ADGRF1: variants seen among roughly 807,000 people sequenced by gnomAD.
ADGRF1 encodes the protein G protein-coupled receptor 110.
A neutral mutation model predicts 87.2 loss-of-function variants in ADGRF1; 85 were observed. The observed-to-expected ratio is 0.97, with a 90% CI of 0.82 to 1.17. The LOEUF (loss-of-function observed/expected upper bound fraction) is 1.17, where lower values mean the gene tolerates loss of function less well. Ranked by LOEUF, ADGRF1 falls within the 50% of genes most tolerant of loss-of-function variation. The pLI is 0.00. For missense variants in ADGRF1, 1,169 were observed against 1,077.2 expected (o/e 1.09, Z -1.19); for synonymous variants, 430 against 408.8 (o/e 1.05, Z -0.63).
At chr6:47,014,901 T>C in intron 8 of ADGRF1, 57 bp from the exon 9 acceptor site, 1 of 1,512,482 alleles carries the variant, frequency 6.6e-7, no homozygotes, top group Non-Finnish European at 8.9e-7. Context: ...TGGCACTCTA[T>C]ATAAACCATG....
chr6:47,019,829 A>G, intron 7 of ADGRF1: 1 of 984,866 alleles, frequency 1.0e-6, no homozygotes, highest in African/African-American at 1.7e-5. Context: ...ATAGTTGGTA[A>G]TTAATGTAAA....
chr6:47,029,435 GTTTCCT>G (rs1780344081), intron 1 of ADGRF1, among the ~76,000 whole-genome samples: 3 of 151,854 alleles, frequency 2.0e-5, no homozygotes, highest in East Asian at 3.9e-4. Flanking sequence ...TTTCACTGAG[GTTTCCT>G]TTTCATTTCA....
intron 9 of ADGRF1, chr6:47,012,686 G>T: frequency 2.0e-6 from 2 of 985,708 alleles, no homozygotes; most frequent in Non-Finnish European, 2.4e-6. Context: ...CACTGAGAAT[G>T]CGTTGTAAGA....
At chr6:47,040,104 T>C (rs905867657) in intron 1 of ADGRF1, among the ~76,000 whole-genome samples, 11 of 152,308 alleles carry the variant, frequency 7.2e-5, no homozygotes, top group African/African-American at 1.4e-4. Context: ...CCAAGACATA[T>C]GTATTTGGCA....
intron 11 of ADGRF1, among the ~76,000 whole-genome samples, chr6:47,008,174 T>C (rs1779585256): frequency 6.6e-6 from 1 of 152,202 alleles, no homozygotes; most frequent in Non-Finnish European, 1.5e-5. Context: ...TATTTAAGTC[T>C]AGAGTTCAAA....
chr6:47,017,555 C>G (rs1458400242), intron 7 of ADGRF1: 1 of 152,078 alleles, frequency 6.6e-6, no homozygotes, highest in Non-Finnish European at 1.5e-5. Context: ...TCAATAATAA[C>G]TCCAAGGAAT....
intron 8 of ADGRF1, 76 bp from the exon 9 acceptor site, chr6:47,014,920 T>C (rs546607264): frequency 1.4e-6 from 2 of 1,431,662 alleles, no homozygotes; most frequent in South Asian, 1.6e-5. Flanking sequence ...TGTAGTCATG[T>C]TCAAATGTTT....
chr6:47,000,189 G>A lies in ADGRF1; in HGVS notation c.*33C>T. ...TTGTCTCTAAATGTCAAGTTGTTCT[G>A]GAAATTTTTTCTTGATTTTATGATT... is the stretch of plus-strand genomic sequence containing the variant. On this transcript the variant is annotated 3_prime_UTR_variant, in exon 15 of 15. Transcript: ENST00000371253. The A allele has an allele frequency of 1.3e-6, 2 of 1,522,374 alleles. No individual in the cohort carries two copies. The highest frequency in any genetic ancestry group is 1.8e-6 in the Non-Finnish European group (2 of 1,101,448). The allele number at this position is 1,522,374 out of a possible 1,614,324, so 94.3% of individuals were successfully genotyped here.
At position 47,009,370 on chromosome 6, in the gene ADGRF1, C is replaced by T. The variant is rs766628746; in HGVS notation, c.2065G>A (p.Val689Met). 19 of 1,613,924 alleles carry T rather than the reference C, an allele frequency of 1.2e-5. No individual in the cohort carries two copies. The highest frequency in any genetic ancestry group is 4.0e-5 in the African/African-American group (3 of 74,896). The change falls in exon 11 of 15, where the codon GTG (valine) becomes ATG (methionine). Residue 689 changes from valine (V) to methionine (M), a missense_variant. By Grantham distance (21) the Val-to-Met change is conservative. Coordinates refer to ENST00000371253, the MANE Select transcript of ADGRF1 (RefSeq NM_153840.4). ...AAATGCTGGGCCATGTGATGGAACA[C>T]GAGGATGATCCGGTAAGCCAGCAGG... ...GILLAYRIIL[V>M]FHHMAQHLMM...
chr6:47,006,596 G>A (rs902863755), intron 12 of ADGRF1, among the ~76,000 whole-genome samples: 1 of 152,048 alleles, frequency 6.6e-6, no homozygotes, highest in African/African-American at 2.4e-5. Flanking sequence ...TTCTTTAGTG[G>A]TGATTTGTGA....
chr6:47,012,939 GT>G, intron 9 of ADGRF1: 1 of 590,260 alleles, frequency 1.7e-6, no homozygotes, highest in South Asian at 7.5e-5. Flanking sequence ...CCAGCTAATT[GT>G]TTTTGTATCC....
intron 1 of ADGRF1, among the ~76,000 whole-genome samples, chr6:47,041,467 C>T (rs1780741741): frequency 1.3e-5 from 2 of 152,026 alleles, no homozygotes; most frequent in South Asian, 2.1e-4. Context: ...GGTATTTTTC[C>T]TTCATGTAGT....
chr6:47,023,956 T>C, intron 5 of ADGRF1, 88 bp downstream of exon 5: 1 of 1,200,796 alleles, frequency 8.3e-7, no homozygotes, highest in South Asian at 1.5e-5. Flanking sequence ...AAACAAACAT[T>C]GACTAGCTAG....
chr6:47,008,257 G>A (rs565747417), intron 11 of ADGRF1, among the ~76,000 whole-genome samples: 1 of 152,228 alleles, frequency 6.6e-6, no homozygotes, highest in Admixed American at 6.5e-5. Context: ...GGGACTGAAG[G>A]CTCTCGTCCA....
At chr6:47,033,405 C>G (rs1780493383) in intron 1 of ADGRF1, among the ~76,000 whole-genome samples, 1 of 152,248 alleles carries the variant, frequency 6.6e-6, no homozygotes, top group African/African-American at 2.4e-5. Context: ...CAACAGCTGT[C>G]TCCTTATCAA....
At chr6:47,030,547 T>A (rs1474171087) in intron 1 of ADGRF1, among the ~76,000 whole-genome samples, 1 of 149,934 alleles carries the variant, frequency 6.7e-6, no homozygotes, top group East Asian at 2.0e-4. Flanking sequence ...CAGGATCCCA[T>A]AGAAAGAAAG....
chr6:47,019,454 C>G, intron 7 of ADGRF1: 6 of 742,564 alleles, frequency 8.1e-6, no homozygotes, highest in Non-Finnish European at 9.9e-6. Context: ...GAAGCCGAGG[C>G]AGGCGGATCA....
intron 7 of ADGRF1, chr6:47,019,945 A>T (rs1035156254): frequency 1.0e-6 from 1 of 985,662 alleles, no homozygotes; most frequent in African/African-American, 1.7e-5. Context: ...TTGAACTATG[A>T]TGTATACATG....
chr6:47,024,214 C>A lies in ADGRF1; in HGVS notation c.281G>T (p.Cys94Phe). The change falls in exon 5 of 15, where the codon TGC (cysteine) becomes TTC (phenylalanine). Residue 94 changes from cysteine (C) to phenylalanine (F), a missense_variant. Transcript: ENST00000371253. ...CTGCAGGACTCCATTCAGGCTGTTG[C>A]AGTCTGCACAAGAAATAGAACTCAG... ...RIIRAKATTD[C>F]NSLNGVLQCT... 1 of 1,612,352 alleles carries A rather than the reference C, an allele frequency of 6.2e-7. No homozygotes were observed. Among genetic ancestry groups the A allele is most frequent in the East Asian group, 2.2e-5 (1 of 44,870 alleles).
Sources: allele counts gnomAD v4.1 joint callset (sites outside exome capture counted in the v4.1 genomes callset), GRCh38; gene constraint gnomAD v4.1.1; transcripts MANE v1.5; gene names NCBI Gene and HGNC (gene_info 2026-07-23, HGNC 2026-07-21).